Variants in SHANK2 observed in about 807,000 individuals in gnomAD.
SHANK2 encodes the protein SH3 and multiple ankyrin repeat domains protein 2.
SHANK2 carries 43 observed loss-of-function variants against 133.7 expected under a neutral mutation model. The ratio of observed to expected loss-of-function variants is 0.32; its 90% confidence interval spans 0.25 to 0.41. The LOEUF (loss-of-function observed/expected upper bound fraction) is 0.41, where lower values mean the gene tolerates loss of function less well. Ranked by LOEUF, SHANK2 falls within the 10% of genes least tolerant of loss-of-function variation. SHANK2 has a pLI of 1.00. For synonymous variants in SHANK2, 1,017 were observed against 952.8 expected, an observed-to-expected ratio of 1.07 and a Z score of -1.24; for missense variants, 1,994 against 2,235.8, an observed-to-expected ratio of 0.89 and a Z score of 2.18.
chr11:70,653,944 C>T (rs1555010843), intron 17 of SHANK2, among the ~76,000 whole-genome samples: 1 of 152,218 alleles, frequency 6.6e-6, no homozygotes, highest in Non-Finnish European at 1.5e-5. Context: ...TTATGAGATA[C>T]TCCCAGGGTC....
chr11:70,925,445 A>G (rs1950414505), intron 10 of SHANK2, among the ~76,000 whole-genome samples: 1 of 152,232 alleles, frequency 6.6e-6, no homozygotes, highest in Non-Finnish European at 1.5e-5. Context: ...TGTCTCTTCC[A>G]GTGCCTGGTG....
intron 17 of SHANK2, among the ~76,000 whole-genome samples, chr11:70,515,275 G>C (rs976661187): frequency 6.6e-6 from 1 of 152,190 alleles, no homozygotes; most frequent in Non-Finnish European, 1.5e-5. Context: ...CTGGGTTCAA[G>C]TGATCTGCCC....
chr11:70,917,131 CT>C (rs1555080002), intron 10 of SHANK2, among the ~76,000 whole-genome samples: 1 of 152,098 alleles, frequency 6.6e-6, no homozygotes, highest in African/African-American at 2.4e-5. Context: ...ACATCCCAGC[CT>C]ACTCCAAACA....
At chr11:71,234,348 C>A (rs1954795921) in intron 1 of SHANK2, among the ~76,000 whole-genome samples, 1 of 148,592 alleles carries the variant, frequency 6.7e-6, no homozygotes, top group African/African-American at 2.5e-5. Context: ...GGCAACAGAG[C>A]AAGACTCATC....
chr11:71,230,847 G>C (rs1177768028), intron 1 of SHANK2, among the ~76,000 whole-genome samples: 1 of 152,194 alleles, frequency 6.6e-6, no homozygotes, highest in Non-Finnish European at 1.5e-5. Context: ...AACAAACGAT[G>C]CTGGAGCAAT....
At chr11:70,628,323 G>A (rs1555000685) in intron 17 of SHANK2, among the ~76,000 whole-genome samples, 5 of 152,132 alleles carry the variant, frequency 3.3e-5, no homozygotes, top group Admixed American at 6.5e-5. Context: ...GGAGCAGAAC[G>A]TGGAAGCCAA....
chr11:71,090,966 C>G (rs1951508358), intron 8 of SHANK2, among the ~76,000 whole-genome samples: 1 of 151,168 alleles, frequency 6.6e-6, no homozygotes, highest in Non-Finnish European at 1.5e-5. Flanking sequence ...CGGCTTAACT[C>G]AAAGTCCACT....
At chr11:70,737,689 G>C (rs377554119) in intron 14 of SHANK2, among the ~76,000 whole-genome samples, 4 of 152,296 alleles carry the variant, frequency 2.6e-5, no homozygotes, top group East Asian at 1.9e-4. Context: ...GGCAGCCCGG[G>C]GCAGGGCTGC....
At chr11:70,720,122 T>C (rs1383177151) in intron 14 of SHANK2, among the ~76,000 whole-genome samples, 3 of 152,182 alleles carry the variant, frequency 2.0e-5, no homozygotes, top group African/African-American at 7.2e-5. Context: ...ACCAGCTCCA[T>C]GAGGGCAGGG....
chr11:70,728,142 C>A (rs1468091474), intron 14 of SHANK2, among the ~76,000 whole-genome samples: 1 of 152,156 alleles, frequency 6.6e-6, no homozygotes, highest in African/African-American at 2.4e-5. Context: ...TGACTGTCAC[C>A]ATAGAAACCG....
intron 14 of SHANK2, among the ~76,000 whole-genome samples, chr11:70,789,328 T>C (rs1440195047): frequency 6.6e-6 from 1 of 152,250 alleles, no homozygotes; most frequent in East Asian, 1.9e-4. Flanking sequence ...ATCTGTTTCC[T>C]GGTCAGAGCT....
At chr11:71,173,106 C>A (rs113905850) in intron 2 of SHANK2, among the ~76,000 whole-genome samples, 7 of 152,176 alleles carry the variant, frequency 4.6e-5, no homozygotes, top group African/African-American at 1.7e-4. Flanking sequence ...ATAAATCACG[C>A]CTTGTTTGAT....
rs1342797689 is a variant in SHANK2, at chr11:70,470,984, G to A, written c.*1885C>T. 3.6e-6 allele frequency: 1 copy of A among 276,924 alleles called. No individual in the cohort carries two copies. The highest frequency in any genetic ancestry group is 2.2e-5 in the African/African-American group (1 of 46,402). 17.2% of individuals were successfully genotyped at this position (276,924 alleles called of 1,614,324 possible). The stretch of plus-strand genomic sequence containing the variant: ...TAGAAAATATAACACAGCTCTGCTG[G>A]TTCAGATGCATCCAAATAAGGTTGA... On this transcript the variant is annotated 3_prime_UTR_variant, in exon 26 of 26. Transcript: ENST00000601538.
At chr11:70,750,084 T>C (rs1377357622) in intron 14 of SHANK2, among the ~76,000 whole-genome samples, 1 of 152,176 alleles carries the variant, frequency 6.6e-6, no homozygotes, top group Admixed American at 6.5e-5. Flanking sequence ...GCAGATGCTG[T>C]TATTTATGGA....
intron 1 of SHANK2, among the ~76,000 whole-genome samples, chr11:71,242,985 C>G (rs1014756589): frequency 6.6e-6 from 1 of 152,086 alleles, no homozygotes; most frequent in Non-Finnish European, 1.5e-5. Context: ...GAGAATAAAC[C>G]ACGGGGAAAT....
At chr11:71,085,961 T>A (rs1284029396) in intron 8 of SHANK2, among the ~76,000 whole-genome samples, 4 of 7,574 alleles carry the variant, frequency 5.3e-4, no homozygotes, top group Non-Finnish European at 1.3e-3. Context: ...TATATTATGT[T>A]ATATATTATA....
intron 14 of SHANK2, among the ~76,000 whole-genome samples, chr11:70,763,953 G>T (rs187633618): frequency 3.3e-4 from 51 of 152,298 alleles, no homozygotes; most frequent in African/African-American, 1.2e-3. Flanking sequence ...ATGCTGACAT[G>T]AAATCATACC....
chr11:70,627,040 GA>G (rs1218361498), intron 17 of SHANK2, among the ~76,000 whole-genome samples: 2 of 152,244 alleles, frequency 1.3e-5, no homozygotes, highest in Non-Finnish European at 2.9e-5. Context: ...TGGGAGCCTG[GA>G]GGTGGGGGGC....
rs774151126 is a variant in SHANK2, at chr11:71,201,346, G to A, written c.-13+23351C>T. ...CCGTTGTGATCCCGAGGACAAGCACGTCTTTCCACGCCTCAGGAGAGCTGT... is the reference window on the plus strand; with the variant it reads ...CCGTTGTGATCCCGAGGACAAGCACATCTTTCCACGCCTCAGGAGAGCTGT... On this transcript the variant is annotated intron_variant, in intron 2 of 25. Coordinates refer to ENST00000601538, the MANE Select transcript of SHANK2 (RefSeq NM_012309.5). Among the ~76,000 whole-genome samples the A allele has an allele frequency of 6.4e-4, 98 of 152,370 alleles. 1 individual carries two copies. Among genetic ancestry groups the A allele is most frequent in the Non-Finnish European group, 7.2e-4 (49 of 68,042 alleles).
Sources: gnomAD v4.1 joint callset for allele counts (sites outside exome capture counted in the v4.1 genomes callset) on GRCh38, gnomAD v4.1.1 for gene constraint, MANE v1.5 for transcripts, NCBI Gene and HGNC (gene_info 2026-07-23, HGNC 2026-07-21) for gene names.